Variants in MCU observed in about 807,000 individuals in gnomAD.
MCU encodes the protein calcium uniporter protein, mitochondrial.
A neutral mutation model predicts 45.2 loss-of-function variants in MCU; 12 were observed. That is an observed-to-expected ratio of 0.27 (90% CI 0.17 to 0.43). The LOEUF (loss-of-function observed/expected upper bound fraction) is 0.43. MCU is among the 20% of genes least tolerant of loss of function. The pLI is 1.00. For synonymous variants in MCU, 160 were observed against 165.1 expected (o/e 0.97, Z 0.24); for missense variants, 324 against 436.7 (o/e 0.74, Z 2.30).
intron 1 of MCU, among the ~76,000 whole-genome samples, chr10:72,790,591 G>A (rs1844144029): frequency 6.6e-6 from 1 of 152,076 alleles, no homozygotes; most frequent in African/African-American, 2.4e-5. Flanking sequence ...TGATATAAAA[G>A]GTATAGAGTT....
intron 1 of MCU, among the ~76,000 whole-genome samples, chr10:72,732,555 G>A (rs1157129056): frequency 1.3e-5 from 2 of 152,180 alleles, no homozygotes; most frequent in African/African-American, 2.4e-5. Context: ...AGGATCTGGT[G>A]AACCGAATTA....
intron 6 of MCU, among the ~76,000 whole-genome samples, chr10:72,877,554 T>C (rs963812662): frequency 6.6e-6 from 1 of 152,166 alleles, no homozygotes; most frequent in African/African-American, 2.4e-5. Flanking sequence ...AGTTGTGGCA[T>C]ACTAGGCAAT....
At chr10:72,882,422 C>T (rs1236392259) in intron 6 of MCU, among the ~76,000 whole-genome samples, 3 of 152,168 alleles carry the variant, frequency 2.0e-5, no homozygotes, top group Admixed American at 6.5e-5. Flanking sequence ...GGAGAAATAT[C>T]GCTGAATTCT....
chr10:72,762,282 C>T (rs1843666716), intron 1 of MCU, among the ~76,000 whole-genome samples: 1 of 152,108 alleles, frequency 6.6e-6, no homozygotes. Context: ...ATCTACCAGA[C>T]ATTCAAAGAA....
intron 1 of MCU, among the ~76,000 whole-genome samples, chr10:72,720,830 C>A (rs1438175991): frequency 6.6e-6 from 1 of 152,100 alleles, no homozygotes; most frequent in Non-Finnish European, 1.5e-5. Flanking sequence ...CCCTTAATAG[C>A]TGAAGATATG....
chr10:72,862,589 G>A (rs1845395507), intron 4 of MCU, among the ~76,000 whole-genome samples: 1 of 152,194 alleles, frequency 6.6e-6, no homozygotes, highest in Admixed American at 6.5e-5. Context: ...TGTGCCCTAT[G>A]AGATCTAATG....
At chr10:72,692,798 C>A (rs959102532) in intron 1 of MCU, 10 of 1,412,960 alleles carry the variant, frequency 7.1e-6, no homozygotes, top group Non-Finnish European at 9.2e-6. Flanking sequence ...CCCAGGACCC[C>A]GGCGGGGCCG....
intron 1 of MCU, chr10:72,756,451 A>T (rs1014601387): frequency 6.6e-6 from 1 of 152,220 alleles, no homozygotes; most frequent in African/African-American, 2.4e-5. Context: ...TTACTTATAC[A>T]TAAAAATTTT....
intron 1 of MCU, among the ~76,000 whole-genome samples, chr10:72,788,796 A>G (rs1844115459): frequency 6.6e-6 from 1 of 152,238 alleles, no homozygotes; most frequent in Non-Finnish European, 1.5e-5. Flanking sequence ...AGTAGCAATT[A>G]TGTATAGTTG....
chr10:72,728,388 T>C (rs1843127401), intron 1 of MCU, among the ~76,000 whole-genome samples: 1 of 152,204 alleles, frequency 6.6e-6, no homozygotes, highest in Non-Finnish European at 1.5e-5. Flanking sequence ...TAGTTGATTA[T>C]TAATAAACTA....
chr10:72,754,165 C>T (rs572633159), intron 1 of MCU, among the ~76,000 whole-genome samples: 1 of 152,266 alleles, frequency 6.6e-6, no homozygotes, highest in Admixed American at 6.5e-5. Flanking sequence ...GAAGCAGTAA[C>T]TTGGGGACCT....
intron 1 of MCU, among the ~76,000 whole-genome samples, chr10:72,824,595 T>C (rs944046422): frequency 1.3e-5 from 2 of 152,198 alleles, no homozygotes; most frequent in Non-Finnish European, 2.9e-5. Context: ...ATTTTATTTG[T>C]AATTAGGTAA....
At chr10:72,774,308 T>G (rs1415680662) in intron 1 of MCU, among the ~76,000 whole-genome samples, 1 of 152,200 alleles carries the variant, frequency 6.6e-6, no homozygotes, top group African/African-American at 2.4e-5. Context: ...TACCTTTGTT[T>G]GTGTATTTTT....
intron 3 of MCU, chr10:72,860,134 C>T (rs1845354188): frequency 3.1e-6 from 1 of 324,958 alleles, no homozygotes; most frequent in South Asian, 3.7e-5. Context: ...GCCCATACAG[C>T]TGTCCCAGTG....
At chr10:72,874,319 G>A (rs1184381685) in intron 6 of MCU, among the ~76,000 whole-genome samples, 2 of 152,052 alleles carry the variant, frequency 1.3e-5, no homozygotes, top group African/African-American at 2.4e-5. Context: ...TGAAGATTTA[G>A]CATTACTTTC....
chr10:72,837,856 G>GTTTTTT (rs765624802), intron 2 of MCU, among the ~76,000 whole-genome samples: 2 of 132,022 alleles, frequency 1.5e-5, no homozygotes, highest in Non-Finnish European at 3.3e-5. Context: ...CCCAATACTG[G>GTTTTTT]TTTTTTTTTT....
chr10:72,741,845 G>A (rs931336887), intron 1 of MCU, among the ~76,000 whole-genome samples: 34 of 151,952 alleles, frequency 2.2e-4, no homozygotes, highest in Non-Finnish European at 5.9e-5. Context: ...TGGCTAAGAC[G>A]GTGAAACCCT....
chr10:72,764,076 C>T (rs182496340), intron 1 of MCU, among the ~76,000 whole-genome samples: 1 of 152,268 alleles, frequency 6.6e-6, no homozygotes, highest in East Asian at 1.9e-4. Context: ...TTCTTAGGAG[C>T]TGACTTTATT....
chr10:72,742,860 C>G (rs1339478756), intron 1 of MCU, among the ~76,000 whole-genome samples: 1 of 152,056 alleles, frequency 6.6e-6, no homozygotes, highest in Non-Finnish European at 1.5e-5. Flanking sequence ...GCTCTTTGGG[C>G]AACTCCTGAG....
Sources: gnomAD v4.1 joint callset for allele counts (sites outside exome capture counted in the v4.1 genomes callset) on GRCh38, gnomAD v4.1.1 for gene constraint, MANE v1.5 for transcripts, NCBI Gene and HGNC (gene_info 2026-07-23, HGNC 2026-07-21) for gene names.